VOPP1: variants seen among roughly 807,000 people sequenced by gnomAD.
The protein encoded by VOPP1 is VOPP1 WW domain binding protein, also known as WW domain binding protein VOPP1.
VOPP1 carries 8 observed loss-of-function variants against 23.5 expected under a neutral mutation model. The observed-to-expected ratio is 0.34, with a 90% CI of 0.20 to 0.61. The LOEUF (loss-of-function observed/expected upper bound fraction) is 0.61. Ranked by LOEUF, VOPP1 falls within the 20% of genes least tolerant of loss-of-function variation. The pLI, the probability that VOPP1 is intolerant of heterozygous loss-of-function variation, is 0.78. For missense variants in VOPP1, 174 were observed against 238.1 expected, an observed-to-expected ratio of 0.73 and a Z score of 1.77; for synonymous variants, 83 against 97.3, an observed-to-expected ratio of 0.85 and a Z score of 0.86.
intron 1 of VOPP1, among the ~76,000 whole-genome samples, chr7:55,570,552 T>C (rs957954128): frequency 2.0e-5 from 3 of 152,244 alleles, no homozygotes; most frequent in Middle Eastern, 3.4e-3. Context: ...AGGCTACATA[T>C]AGGGCACAGA....
intron 2 of VOPP1, among the ~76,000 whole-genome samples, chr7:55,509,360 T>A (rs1356020646): frequency 6.6e-6 from 1 of 152,194 alleles, no homozygotes; most frequent in African/African-American, 2.4e-5. Flanking sequence ...CCCAGCAGAT[T>A]CAGTATCTAG....
intron 2 of VOPP1, among the ~76,000 whole-genome samples, chr7:55,506,937 C>T (rs1351248487): frequency 6.6e-6 from 1 of 152,232 alleles, no homozygotes; most frequent in Non-Finnish European, 1.5e-5. Flanking sequence ...CCACTGTGCC[C>T]GGCCCCACAA....
At chr7:55,462,756 C>T (rs908723333) in intron 4 of VOPP1, among the ~76,000 whole-genome samples, 4 of 146,772 alleles carry the variant, frequency 2.7e-5, no homozygotes, top group Non-Finnish European at 6.1e-5. Flanking sequence ...CCCGGGTTCA[C>T]GCCATTCTCC....
chr7:55,458,947 C>G (rs573389461), intron 4 of VOPP1, among the ~76,000 whole-genome samples: 1 of 152,134 alleles, frequency 6.6e-6, no homozygotes, highest in Non-Finnish European at 1.5e-5. Context: ...GCATCCTGCT[C>G]TGGTTCCAGT....
At chr7:55,452,052 T>C (rs113671261) in intron 4 of VOPP1, among the ~76,000 whole-genome samples, 1,790 of 152,316 alleles carry the variant, frequency 0.012, 13 homozygotes, top group Admixed American at 0.021. Context: ...TTACCAATAG[T>C]AGGACTTCTT....
At chr7:55,553,160 T>A (rs1797680182) in intron 1 of VOPP1, among the ~76,000 whole-genome samples, 1 of 152,248 alleles carries the variant, frequency 6.6e-6, no homozygotes, top group Non-Finnish European at 1.5e-5. Context: ...TATCTCATAA[T>A]CTCATTTCCA....
At chr7:55,538,757 AAGG>A in intron 1 of VOPP1, 2 of 1,111,040 alleles carry the variant, frequency 1.8e-6, no homozygotes, top group South Asian at 2.9e-5. Flanking sequence ...AACGCTTTCT[AAGG>A]GGAATGCTGT....
downstream of VOPP1, among the ~76,000 whole-genome samples, chr7:55,470,390 T>C (rs1039009477): frequency 1.3e-5 from 2 of 152,152 alleles, no homozygotes; most frequent in Non-Finnish European, 1.5e-5. Flanking sequence ...CAACAGTACA[T>C]TACTTCAGCG....
intron 4 of VOPP1, among the ~76,000 whole-genome samples, chr7:55,464,839 G>C (rs555380100): frequency 1.3e-5 from 2 of 152,304 alleles, no homozygotes; most frequent in South Asian, 2.1e-4. Flanking sequence ...GGGACCCAGA[G>C]TGAAGTTCTT....
At chr7:55,530,420 A>C (rs1796434669) in intron 1 of VOPP1, among the ~76,000 whole-genome samples, 1 of 152,176 alleles carries the variant, frequency 6.6e-6, no homozygotes, top group African/African-American at 2.4e-5. Flanking sequence ...GTGATCCACT[A>C]GGTGCTTTTC....
downstream of VOPP1, among the ~76,000 whole-genome samples, chr7:55,469,799 C>G (rs1791729175): frequency 6.6e-6 from 1 of 152,218 alleles, no homozygotes; most frequent in South Asian, 2.1e-4. Flanking sequence ...CTTGTGTGCA[C>G]TGCCCGTCTC....
chr7:55,510,142 TCAAAATTA>T (rs1181837789), intron 2 of VOPP1, among the ~76,000 whole-genome samples: 1 of 152,208 alleles, frequency 6.6e-6, no homozygotes, highest in African/African-American at 2.4e-5. Flanking sequence ...CCAGACCAAC[TCAAAATTA>T]CAAAGTTTTC....
intron 3 of VOPP1, 44 bp downstream of exon 3, chr7:55,497,569 G>T (rs780340196): frequency 3.5e-5 from 40 of 1,132,522 alleles, no homozygotes; most frequent in East Asian, 1.1e-4. Flanking sequence ...GGGGGGGGGG[G>T]GCAGAGCTCT....
At chr7:55,463,219 C>A (rs60906200) in intron 4 of VOPP1, among the ~76,000 whole-genome samples, 2,502 of 152,262 alleles carry the variant, frequency 0.016, 79 homozygotes, top group African/African-American at 0.057. Context: ...TCTCTTGTAT[C>A]GCACTGAACT....
intron 4 of VOPP1, among the ~76,000 whole-genome samples, chr7:55,441,568 G>T (rs35673917): frequency 0.053 from 8,005 of 152,146 alleles, 302 homozygotes; most frequent in Non-Finnish European, 0.08. Flanking sequence ...AACGCACTTA[G>T]CATGGTACAA....
intron 1 of VOPP1, chr7:55,537,508 T>C (rs941247789): frequency 3.9e-6 from 6 of 1,535,998 alleles, no homozygotes; most frequent in Non-Finnish European, 4.4e-6. Context: ...CACCTGAGCA[T>C]GTGAGCCCGT....
intron 4 of VOPP1, among the ~76,000 whole-genome samples, chr7:55,462,645 T>C (rs949656309): frequency 6.7e-6 from 1 of 149,012 alleles, no homozygotes; most frequent in Non-Finnish European, 1.5e-5. Flanking sequence ...TTGTTGAAAC[T>C]CTTGATTATA....
chr7:55,480,034 G>A (rs1792586582), intron 4 of VOPP1, among the ~76,000 whole-genome samples: 1 of 152,182 alleles, frequency 6.6e-6, no homozygotes, highest in African/African-American at 2.4e-5. Flanking sequence ...GGTTATGATG[G>A]TTTACTATTT....
intron 2 of VOPP1, among the ~76,000 whole-genome samples, chr7:55,508,129 T>C (rs1391379328): frequency 1.3e-5 from 2 of 152,206 alleles, no homozygotes; most frequent in African/African-American, 4.8e-5. Flanking sequence ...GGGTAAAAAG[T>C]GCTCATTTCT....
Sources: allele counts gnomAD v4.1 joint callset (sites outside exome capture counted in the v4.1 genomes callset), GRCh38; gene constraint gnomAD v4.1.1; transcripts MANE v1.5; gene names NCBI Gene and HGNC (gene_info 2026-07-23, HGNC 2026-07-21).